The following ASIC2 variants were observed in gnomAD, a reference collection of about 807,000 sequenced individuals.
The protein encoded by ASIC2 is acid sensing ion channel subunit 2.
Under a neutral mutation model 57.3 loss-of-function variants are expected in ASIC2, and 25 were observed. The ratio of observed to expected loss-of-function variants is 0.44; its 90% CI spans 0.32 to 0.61. The LOEUF is 0.61. Among genes scored for constraint, ASIC2 ranks in the 20% least tolerant of loss-of-function variants. ASIC2 has a pLI of 0.06. For missense variants in ASIC2, 641 were observed against 738.1 expected (o/e 0.87, Z 1.52); for synonymous variants, 319 against 307.5 (o/e 1.04, Z -0.39).
intron 1 of ASIC2, among the ~76,000 whole-genome samples, chr17:34,054,785 A>C (rs1567802817): frequency 1.3e-5 from 2 of 152,226 alleles, no homozygotes; most frequent in Admixed American, 1.3e-4. Context: ...AGAGACTCAG[A>C]AAACAGAAAA....
At chr17:33,333,178 T>A (rs1395866210) in intron 1 of ASIC2, among the ~76,000 whole-genome samples, 1 of 152,182 alleles carries the variant, frequency 6.6e-6, no homozygotes, top group Non-Finnish European at 1.5e-5. Context: ...TTTTTAAAAG[T>A]AAAATGTCTT....
chr17:33,102,026 C>A (rs2092213964), intron 2 of ASIC2, among the ~76,000 whole-genome samples: 1 of 152,100 alleles, frequency 6.6e-6, no homozygotes, highest in Non-Finnish European at 1.5e-5. Flanking sequence ...TCTTCCTGCT[C>A]CAGTTTGGAT....
rs1234564093 is a variant in ASIC2, at chr17:33,246,958, A to G, written c.708+44450T>C. On this transcript the variant is annotated intron_variant, in intron 1 of 9. Transcript: ENST00000225823. ...ACCTAGGAGGTTTTTAAGAGCCAACAACAAGAAGAAAATTGGATTTGAAAA... is the reference window on the plus strand; with the variant it reads ...ACCTAGGAGGTTTTTAAGAGCCAACGACAAGAAGAAAATTGGATTTGAAAA... 2.0e-5 allele frequency among the ~76,000 whole-genome samples: 3 copies of G among 152,232 alleles called. No homozygotes were observed. In the East Asian group the frequency reaches 5.8e-4, roughly 29 times the overall value.
At chr17:33,282,272 A>G (rs964595550) in intron 1 of ASIC2, among the ~76,000 whole-genome samples, 2 of 152,192 alleles carry the variant, frequency 1.3e-5, no homozygotes, top group Non-Finnish European at 2.9e-5. Flanking sequence ...AATGAGTCTT[A>G]CCAGCTAAAA....
chr17:33,415,970 G>A (rs149260507), intron 1 of ASIC2, among the ~76,000 whole-genome samples: 103 of 152,338 alleles, frequency 6.8e-4, no homozygotes, highest in African/African-American at 2.3e-3. Context: ...CCATGGCGGT[G>A]TGAGGCCAGC....
intron 1 of ASIC2, among the ~76,000 whole-genome samples, chr17:34,099,729 A>AGAAG (rs57077973): frequency 8.4e-6 from 1 of 119,588 alleles, no homozygotes; most frequent in African/African-American, 3.5e-5. Context: ...AAAGAAGGAA[A>AGAAG]GAAGGAAAGA....
At chr17:33,674,974 T>C (rs1038802971) in intron 1 of ASIC2, among the ~76,000 whole-genome samples, 27 of 152,142 alleles carry the variant, frequency 1.8e-4, no homozygotes, top group Admixed American at 1.8e-3. Flanking sequence ...GAAAACTACT[T>C]GGGGATTTGG....
intron 1 of ASIC2, among the ~76,000 whole-genome samples, chr17:33,561,295 T>C (rs148540021): frequency 6.6e-6 from 1 of 152,330 alleles, no homozygotes; most frequent in South Asian, 2.1e-4. Context: ...ATAACATCCA[T>C]GCCTGTGTGC....
intron 1 of ASIC2, among the ~76,000 whole-genome samples, chr17:33,786,562 GC>G (rs1911605894): frequency 6.6e-6 from 1 of 152,048 alleles, no homozygotes. Context: ...GTAAAGAATG[GC>G]TTTTTAAATT....
chr17:33,742,861 C>G (rs1910151320), intron 1 of ASIC2, among the ~76,000 whole-genome samples: 1 of 152,208 alleles, frequency 6.6e-6, no homozygotes, highest in Non-Finnish European at 1.5e-5. Flanking sequence ...ATGATCCATG[C>G]TGAATCCTGC....
At chr17:33,966,699 G>C (rs1459847052) in intron 1 of ASIC2, among the ~76,000 whole-genome samples, 2 of 152,208 alleles carry the variant, frequency 1.3e-5, no homozygotes, top group Admixed American at 1.3e-4. Flanking sequence ...GGATCATAGA[G>C]GGTCAAGATC....
intron 1 of ASIC2, among the ~76,000 whole-genome samples, chr17:33,347,984 C>T (rs775640509): frequency 6.6e-6 from 1 of 152,094 alleles, no homozygotes; most frequent in Non-Finnish European, 1.5e-5. Flanking sequence ...CACCTGTAGT[C>T]CCAGCTACTT....
intron 1 of ASIC2, among the ~76,000 whole-genome samples, chr17:33,798,004 G>A (rs1435802755): frequency 6.6e-6 from 1 of 152,336 alleles, no homozygotes; most frequent in East Asian, 1.9e-4. Flanking sequence ...GGGGAGAGGT[G>A]ATGGCAGAGG....
intron 1 of ASIC2, among the ~76,000 whole-genome samples, chr17:33,403,050 T>C (rs4795778): frequency 0.96 from 146,019 of 152,284 alleles, 70,049 homozygotes; most frequent in East Asian, 0.99. Flanking sequence ...AATATTTCCA[T>C]CTCTACTAAT....
At chr17:33,821,367 A>G (rs920082964) in intron 1 of ASIC2, among the ~76,000 whole-genome samples, 5 of 152,134 alleles carry the variant, frequency 3.3e-5, no homozygotes, top group Non-Finnish European at 7.4e-5. Context: ...TCGTCCAAAC[A>G]CTTCCAGATG....
chr17:33,960,340 T>C (rs1223935334), intron 1 of ASIC2, among the ~76,000 whole-genome samples: 2 of 152,220 alleles, frequency 1.3e-5, no homozygotes, highest in Non-Finnish European at 2.9e-5. Flanking sequence ...CTTCAATCTT[T>C]GCACCAATAC....
intron 1 of ASIC2, among the ~76,000 whole-genome samples, chr17:33,242,881 C>G (rs319755): frequency 0.15 from 22,125 of 152,058 alleles, 1,944 homozygotes; most frequent in African/African-American, 0.25. Flanking sequence ...AGATCTGGAT[C>G]GAGAGGTGAT....
intron 1 of ASIC2, among the ~76,000 whole-genome samples, chr17:34,109,177 C>T (rs1354450253): frequency 1.3e-5 from 2 of 151,890 alleles, no homozygotes; most frequent in Middle Eastern, 3.2e-3. Flanking sequence ...CTTTTCTTAT[C>T]TTTTCTGGCA....
intron 1 of ASIC2, chr17:34,000,816 C>T (rs1429082330): frequency 6.6e-6 from 1 of 152,234 alleles, no homozygotes; most frequent in South Asian, 2.1e-4. Context: ...AATTACCTGT[C>T]TTTGAACTCA....
Sources: gnomAD v4.1 joint callset for allele counts (sites outside exome capture counted in the v4.1 genomes callset) on GRCh38, gnomAD v4.1.1 for gene constraint, MANE v1.5 for transcripts, NCBI Gene and HGNC (gene_info 2026-07-23, HGNC 2026-07-21) for gene names.